Variants in FLT4 observed in about 807,000 individuals in gnomAD.
FLT4 encodes fms related receptor tyrosine kinase 4, also known as vascular endothelial growth factor receptor 3.
Under a neutral mutation model 163.2 loss-of-function variants are expected in FLT4, and 30 were observed. That is an observed-to-expected ratio of 0.18 (90% CI 0.14 to 0.25). FLT4 has a LOEUF of 0.25. Ranked by LOEUF, FLT4 falls within the 10% of genes least tolerant of loss-of-function variation. The pLI is 1.00. For missense variants in FLT4, 1,510 were observed against 1,863.8 expected, an observed-to-expected ratio of 0.81 and a Z score of 3.50; for synonymous variants, 884 against 789.5, an observed-to-expected ratio of 1.12 and a Z score of -2.01.
Position 180,649,584 on chromosome 5 carries a change from G to T in FLT4, c.-39C>A. 7.6e-7 allele frequency: 1 copy of T among 1,308,608 alleles called. No individual in the cohort carries two copies. Among genetic ancestry groups the T allele is most frequent in the South Asian group, 1.8e-5 (1 of 55,898 alleles). The allele number at this position is 1,308,608 out of a possible 1,614,324, so 81.1% of individuals were successfully genotyped here. A position where few individuals can be genotyped will look rare whatever the true frequency, so the allele number is the denominator to read the frequency against. On this transcript the variant is annotated 5_prime_UTR_variant, in exon 1 of 30. Coordinates refer to ENST00000261937, the MANE Select transcript of FLT4 (RefSeq NM_182925.5). ...GCGTGGGTCCGACCCGAGCGGCCGC[G>T]GCTCGGGGCTGAAAGTGTCCGCGCG...
chr5:180,626,051 C>G lies in FLT4; in HGVS notation c.1259-20G>C, dbSNP rs751172981. On this transcript the variant is annotated intron_variant, in intron 9 of 29. Transcript: ENST00000261937. The stretch of plus-strand genomic sequence containing the variant: ...GGGGCACTGTGGGCACACAGATGGC[C>G]GGTCAGCTGGCCTCCAATGCCAGGC... 6.2e-7 allele frequency: 1 copy of G among 1,612,710 alleles called. No individual in the cohort carries two copies. Among genetic ancestry groups the G allele is most frequent in the Non-Finnish European group, 8.5e-7 (1 of 1,179,986 alleles).
chr5:180,619,802 TGTACGGGGTGAGC>T, intron 17 of FLT4, 33 bp from the exon 18 acceptor site: 1 of 1,527,084 alleles, frequency 6.5e-7, no homozygotes. Context: ...GCAGGTGAGC[TGTACGGGGTGAGC>T]GTGGAGACAG....
Position 180,629,771 on chromosome 5 carries a change from C to T in FLT4, c.741G>A (p.Lys247=). The T allele has an allele frequency of 1.2e-6, 2 of 1,612,452 alleles. No individual in the cohort carries two copies. The highest frequency in any genetic ancestry group is 1.7e-6 in the Non-Finnish European group (2 of 1,179,850). Residue 247 remains lysine, a synonymous_variant, in exon 6 of 30, where the codon AAG becomes AAA. Coordinates refer to ENST00000261937, the MANE Select transcript of FLT4 (RefSeq NM_182925.5). ...CCCACACGGTGCAGTTCAGGACCAG[C>T]TTCTCCCCTACCAGCAGCTCCAGCG... ...RKSLELLVGE[K]LVLNCTVWAE...
At chr5:180,633,642 TG>T (rs1764336426) in intron 1 of FLT4, among the ~76,000 whole-genome samples, 1 of 152,132 alleles carries the variant, frequency 6.6e-6, no homozygotes, top group South Asian at 2.1e-4. Flanking sequence ...CCCTCTGAGC[TG>T]GGCTTTGAAG....
intron 10 of FLT4, among the ~76,000 whole-genome samples, chr5:180,625,412 G>A (rs1020066332): frequency 2.0e-5 from 3 of 152,228 alleles, no homozygotes; most frequent in Admixed American, 6.5e-5. Flanking sequence ...GGATGTGAGT[G>A]GTGCACAGAT....
chr5:180,603,964 C>T (rs1020825236), intron 29 of FLT4, among the ~76,000 whole-genome samples: 4 of 151,850 alleles, frequency 2.6e-5, no homozygotes, highest in East Asian at 1.9e-4. Context: ...AAGATCGTGC[C>T]GCTGCACTCC....
At chr5:180,649,433 A>AC in intron 1 of FLT4, 55 bp downstream of exon 1, 1 of 1,335,200 alleles carries the variant, frequency 7.5e-7, no homozygotes. Context: ...GGTGCGCGGT[A>AC]CCCCCTCCCC....
At chr5:180,645,686 A>G (rs1765458195) in intron 1 of FLT4, among the ~76,000 whole-genome samples, 1 of 152,206 alleles carries the variant, frequency 6.6e-6, no homozygotes, top group African/African-American at 2.4e-5. Context: ...TACCCCGTCC[A>G]GCCCGGCCAG....
chr5:180,620,024 G>A lies in FLT4; in HGVS notation c.2542+149C>T. ...CCTGGGAACTGGGGACCCTGGCTGAGGTTCTAGGTACCCACGCCCACAGGG... is the reference window on the plus strand; with the variant it reads ...CCTGGGAACTGGGGACCCTGGCTGAAGTTCTAGGTACCCACGCCCACAGGG... On this transcript the variant is annotated intron_variant, in intron 17 of 29. Transcript: ENST00000261937. This position sits in a 1 kb window ranked among gnomAD's most constrained non-coding sequence, Gnocchi z 4.4. 9.8e-7 allele frequency: 1 copy of A among 1,015,802 alleles called. No homozygotes were observed. The highest frequency in any genetic ancestry group is 1.4e-6 in the Non-Finnish European group (1 of 692,090). 62.9% of individuals were successfully genotyped at this position (1,015,802 alleles called of 1,614,324 possible). A position where few individuals can be genotyped will look rare whatever the true frequency, so the allele number is the denominator to read the frequency against.
intron 13 of FLT4, 117 bp downstream of exon 13, chr5:180,621,425 C>T (rs1391367980): frequency 3.4e-6 from 5 of 1,479,850 alleles, no homozygotes; most frequent in Non-Finnish European, 4.5e-6. Context: ...GGAGGGGTAG[C>T]TCCTGCAGGC....
At chr5:180,614,038 C>T (rs899321647) in intron 24 of FLT4, 30 bp downstream of exon 24, 2 of 1,497,684 alleles carry the variant, frequency 1.3e-6, no homozygotes, top group African/African-American at 2.8e-5. Flanking sequence ...CTCGCCTCCT[C>T]TCCCCACCGG....
intron 1 of FLT4, among the ~76,000 whole-genome samples, chr5:180,641,537 T>C (rs1267629485): frequency 1.3e-5 from 2 of 152,234 alleles, no homozygotes; most frequent in African/African-American, 4.8e-5. Context: ...TGGAGGGAGC[T>C]GGCGGGGAGC....
chr5:180,616,198 T>C (rs1188449406), intron 23 of FLT4, among the ~76,000 whole-genome samples, 169 bp downstream of exon 23: 1 of 152,178 alleles, frequency 6.6e-6, no homozygotes. Flanking sequence ...GGGTGGTCAG[T>C]AGGGTCCCCT....
intron 1 of FLT4, among the ~76,000 whole-genome samples, chr5:180,642,009 C>T (rs1765156445): frequency 6.6e-6 from 1 of 152,074 alleles, no homozygotes; most frequent in South Asian, 2.1e-4. Context: ...GAGATTGAGA[C>T]CATCCTGGCC....
intron 11 of FLT4, 94 bp from the exon 12 acceptor site, chr5:180,622,933 C>T (rs1005045892): frequency 3.8e-6 from 3 of 791,848 alleles, no homozygotes; most frequent in Non-Finnish European, 6.5e-6. Flanking sequence ...GCACCACCCC[C>T]CCCAATCATG....
chr5:180,627,493 A>C (rs1291300119), intron 8 of FLT4, among the ~76,000 whole-genome samples: 3 of 152,232 alleles, frequency 2.0e-5, no homozygotes, highest in African/African-American at 7.2e-5. Context: ...CAGTGACAGC[A>C]GCGTGCTGGA....
chr5:180,622,627 ATC>A, intron 12 of FLT4, 102 bp downstream of exon 12: 1 of 743,078 alleles, frequency 1.3e-6, no homozygotes, highest in Admixed American at 2.0e-5. Context: ...TAGGCCTTGG[ATC>A]TCTCTCCTGG....
intron 10 of FLT4, 100 bp from the exon 11 acceptor site, chr5:180,624,161 C>T (rs941888749): frequency 1.4e-6 from 2 of 1,425,268 alleles, no homozygotes; most frequent in Admixed American, 1.8e-5. Context: ...GTCACCTTCT[C>T]ATATGGGGTC....
At chr5:180,628,140 C>G (rs1017100850) in intron 8 of FLT4, among the ~76,000 whole-genome samples, 1 of 152,184 alleles carries the variant, frequency 6.6e-6, no homozygotes, top group Non-Finnish European at 1.5e-5. Flanking sequence ...GGGGAATTGG[C>G]GATCAGTTAG....
Sources: allele counts gnomAD v4.1 joint callset (sites outside exome capture counted in the v4.1 genomes callset), GRCh38; gene constraint gnomAD v4.1.1; non-coding constraint Gnocchi (gnomAD v3.1); transcripts MANE v1.5; gene names NCBI Gene and HGNC (gene_info 2026-07-23, HGNC 2026-07-21).